Variants in RPL3L observed in about 807,000 individuals in gnomAD.
RPL3L encodes ribosomal protein L3 like.
RPL3L carries 44 observed loss-of-function variants against 44.5 expected under a neutral mutation model. That is an observed-to-expected ratio of 0.99 (90% CI 0.78 to 1.27). The LOEUF is 1.27. Ranked by LOEUF, RPL3L falls within the 50% of genes most tolerant of loss-of-function variation. The probability of loss-of-function intolerance (pLI) is 0.00; values close to 1 mark genes in which losing one functional copy is unlikely to be tolerated. For synonymous variants in RPL3L, 292 were observed against 230.7 expected (o/e 1.27, Z -2.41); for missense variants, 631 against 569.1 (o/e 1.11, Z -1.11).
At chr16:1,945,029 A>T in intron 9 of RPL3L, 136 bp from the exon 10 acceptor site, 1 of 1,116,674 alleles carries the variant, frequency 9.0e-7, no homozygotes. Context: ...CTTCTCTTCT[A>T]AAGAATCAGT....
At chr16:1,949,467 G>A (rs2083153221) in intron 4 of RPL3L, among the ~76,000 whole-genome samples, 1 of 150,322 alleles carries the variant, frequency 6.7e-6, no homozygotes, top group African/African-American at 2.5e-5. Flanking sequence ...TGGCCAGGCT[G>A]GTCTCGAACT....
intron 1 of RPL3L, 54 bp from the exon 2 acceptor site, chr16:1,954,202 T>C: frequency 6.8e-7 from 1 of 1,471,988 alleles, no homozygotes; most frequent in Non-Finnish European, 9.1e-7. Flanking sequence ...GTGGTAGAGC[T>C]GGATGGTCCC....
chr16:1,951,010 C>T (rs745398676), intron 3 of RPL3L, 31 bp from the exon 4 acceptor site: 20 of 1,608,320 alleles, frequency 1.2e-5, no homozygotes, highest in Non-Finnish European at 1.6e-5. Flanking sequence ...TGCTCAGAAG[C>T]CCCCAACCGG....
chr16:1,947,633 G>A (rs1445434534), intron 4 of RPL3L, among the ~76,000 whole-genome samples: 1 of 152,220 alleles, frequency 6.6e-6, no homozygotes, highest in East Asian at 1.9e-4. Context: ...CTCTTGGAGA[G>A]GACAGAGTGC....
intron 4 of RPL3L, among the ~76,000 whole-genome samples, chr16:1,947,708 A>T (rs2083134791): frequency 6.6e-6 from 1 of 152,106 alleles, no homozygotes; most frequent in East Asian, 1.9e-4. Context: ...CTTCTCTGAG[A>T]AGGTGCCGCT....
chr16:1,952,623 G>A (rs1485230964), intron 3 of RPL3L, among the ~76,000 whole-genome samples: 2 of 151,982 alleles, frequency 1.3e-5, no homozygotes, highest in African/African-American at 4.8e-5. Flanking sequence ...TGATCCACCC[G>A]CCTCGGCCTC....
intron 4 of RPL3L, among the ~76,000 whole-genome samples, chr16:1,949,252 T>G (rs57830631): frequency 0.18 from 20,347 of 113,886 alleles, 2,014 homozygotes; most frequent in African/African-American, 0.34. Context: ...TTGTTTTTTT[T>G]TTTTTTCTTT....
intron 9 of RPL3L, 41 bp from the exon 10 acceptor site, chr16:1,944,934 G>T (rs759109851): frequency 6.7e-7 from 1 of 1,484,072 alleles, no homozygotes; most frequent in Non-Finnish European, 9.3e-7. Flanking sequence ...TAGTCACTCT[G>T]GCCAGAAACA....
chr16:1,954,034 G>C lies in RPL3L; in HGVS notation c.118C>G (p.Pro40Ala). Residue 40 changes from proline to alanine, a missense_variant, in exon 2 of 10, where the codon CCC becomes GCC. Physicochemically the swap from Pro to Ala is conservative, Grantham distance 27. Transcript: ENST00000268661. The stretch of plus-strand genomic sequence containing the variant: ...CCCAGGAAGGCCGTGAGGTGCACGG[G>C]CTGGCTGGGGTCATCCCGCGGCCAC... Reference protein sequence around the residue: ...KTWPRDDPSQPVHLTAFLGYK... With the variant: ...KTWPRDDPSQAVHLTAFLGYK... 6.2e-7 allele frequency: 1 copy of C among 1,607,978 alleles called. No individual in the cohort carries two copies. Among genetic ancestry groups the C allele is most frequent in the South Asian group, 1.1e-5 (1 of 90,114 alleles).
chr16:1,945,740 C>T, intron 8 of RPL3L, 95 bp downstream of exon 8: 1 of 1,602,242 alleles, frequency 6.2e-7, no homozygotes, highest in South Asian at 1.1e-5. Flanking sequence ...TCCCCTTCTG[C>T]TCCCACCACT....
chr16:1,951,828 T>C (rs2083173938), intron 3 of RPL3L, among the ~76,000 whole-genome samples: 1 of 150,758 alleles, frequency 6.6e-6, no homozygotes, highest in Non-Finnish European at 1.5e-5. Context: ...CCAGGGAAGA[T>C]TTGAGGCCCG....
At position 1,952,036 on chromosome 16, in the gene RPL3L, C is replaced by A. The variant is rs555627588; in HGVS notation, c.365+838G>T. Among the ~76,000 whole-genome samples, 5 of 152,134 alleles carry A rather than the reference C, an allele frequency of 3.3e-5. No homozygotes were observed. The South Asian group carries it at 1.0e-3, about 32-fold the overall frequency. ...CAATCTCAGCTCACTACAATCTCCA[C>A]CTCCCAGGCTCAAGCGATTCTCCTG... On this transcript the variant is annotated intron_variant, in intron 3 of 9. Coordinates refer to ENST00000268661, the MANE Select transcript of RPL3L (RefSeq NM_005061.3).
rs1567311979 is a variant in RPL3L, at chr16:1,952,898, C to T, written c.341G>A (p.Cys114Tyr). Reference protein sequence around the residue: ...TIFAEHLSDECRRRFYKDWHK... With the variant: ...TIFAEHLSDEYRRRFYKDWHK... The stretch of plus-strand genomic sequence containing the variant: ...CCAGTCCTTGTAGAATCGGCGCCGG[C>T]ACTCATCACTGAGGTGTTCTGCAAA... Residue 114 changes from cysteine (C) to tyrosine (Y), a missense_variant, in exon 3 of 10, where the codon TGC (cysteine) becomes TAC (tyrosine). By Grantham distance (194) the Cys-to-Tyr change is radical. Transcript: ENST00000268661. 19 of 1,613,978 alleles carry T rather than the reference C, an allele frequency of 1.2e-5. No homozygotes were observed. The highest frequency in any genetic ancestry group is 1.6e-5 in the Non-Finnish European group (19 of 1,179,998).
At chr16:1,952,723 A>ACT (rs2083178599) in intron 3 of RPL3L, 151 bp downstream of exon 3, 3 of 829,492 alleles carry the variant, frequency 3.6e-6, no homozygotes, top group Non-Finnish European at 5.6e-6. Flanking sequence ...ACACACACAC[A>ACT]CACACACAGA....
At chr16:1,948,372 T>C in intron 4 of RPL3L, among the ~76,000 whole-genome samples, 1 of 151,848 alleles carries the variant, frequency 6.6e-6, no homozygotes, top group Non-Finnish European at 1.5e-5. Context: ...TACAGGTGTG[T>C]GCCACCATGC....
chr16:1,950,652 C>T (rs1016239303), intron 4 of RPL3L, among the ~76,000 whole-genome samples, 192 bp downstream of exon 4: 3 of 152,128 alleles, frequency 2.0e-5, no homozygotes, highest in Non-Finnish European at 4.4e-5. Flanking sequence ...CCCCTGGCAC[C>T]CCAGAAGGCA....
intron 2 of RPL3L, 69 bp downstream of exon 2, chr16:1,953,887 G>C: frequency 2.2e-6 from 3 of 1,383,290 alleles, no homozygotes; most frequent in Non-Finnish European, 9.5e-7. Context: ...CCAAAAGCGT[G>C]AGTTCTGGCT....
chr16:1,946,938 C>G lies in RPL3L; in HGVS notation c.849G>C (p.Lys283Asn). Residue 283 changes from lysine (K) to asparagine (N), a missense_variant and splice_region_variant, in exon 6 of 10, where the codon AAG becomes AAC. Coordinates refer to ENST00000268661, the MANE Select transcript of RPL3L (RefSeq NM_005061.3). ...CCCCGTACCCCGGCTGAGGACGCAC[C>G]TTCTTGTTGAGCTCCGTGCGGTGGT... is the stretch of plus-strand genomic sequence containing the variant. ...GYHHRTELNK[K>N]IFRIGRGPHM... 1 of 1,597,914 alleles carries G rather than the reference C, an allele frequency of 6.3e-7. No homozygotes were observed. The highest frequency in any genetic ancestry group is 8.5e-7 in the Non-Finnish European group (1 of 1,171,610).
chr16:1,950,877 G>A lies in RPL3L; in HGVS notation c.468C>T (p.Tyr156=). Residue 156 remains tyrosine, a synonymous_variant, in exon 4 of 10, where the codon TAC becomes TAT. Transcript: ENST00000268661. ...LQKDFAAMKK[Y]CKVIRVIVHT... Reference sequence around the variant, plus strand: ...GGACAATGACCCGAATGACCTTGCAGTACTTCTTCATGGCGGCGAAGTCCT... The same window carrying A: ...GGACAATGACCCGAATGACCTTGCAATACTTCTTCATGGCGGCGAAGTCCT... The A allele has an allele frequency of 8.1e-6, 13 of 1,614,088 alleles. No individual in the cohort carries two copies. The highest frequency in any genetic ancestry group is 1.1e-5 in the Non-Finnish European group (13 of 1,179,978).
Sources: allele counts gnomAD v4.1 joint callset (sites outside exome capture counted in the v4.1 genomes callset), GRCh38; gene constraint gnomAD v4.1.1; transcripts MANE v1.5; gene names NCBI Gene and HGNC (gene_info 2026-07-23, HGNC 2026-07-21).